Variants in FADS1 observed in about 807,000 individuals in gnomAD.
FADS1 encodes the protein fatty acid desaturase 1.
A neutral mutation model predicts 61.6 loss-of-function variants in FADS1; 17 were observed. The ratio of observed to expected loss-of-function variants is 0.28; its 90% CI spans 0.19 to 0.41. The LOEUF is 0.41. Ranked by LOEUF, FADS1 falls within the 10% of genes least tolerant of loss-of-function variation. FADS1 has a pLI of 1.00. For missense variants in FADS1, 387 were observed against 650.9 expected (o/e 0.59, Z 4.41); for synonymous variants, 238 against 258.7 (o/e 0.92, Z 0.77).
chr11:61,808,860 C>G (rs974454453), intron 5 of FADS1, among the ~76,000 whole-genome samples: 32 of 152,208 alleles, frequency 2.1e-4, no homozygotes, highest in African/African-American at 7.7e-4. Flanking sequence ...TCGCTCCAGC[C>G]GCCTCACTGA....
Position 61,816,438 on chromosome 11 carries a change from C to T in FADS1, c.375+117G>A, listed in dbSNP as rs1408263750. ...TCACCGGGCAACAGGTATGATCAGG[C>T]GCCTCCGGGCTTTCCTCCGAATTAG... On this transcript the variant is annotated intron_variant, in intron 1 of 11. Transcript: ENST00000350997. This position sits in a 1 kb window ranked among gnomAD's most constrained non-coding sequence, Gnocchi z 7.0. The T allele has an allele frequency of 1.3e-6, 2 of 1,599,088 alleles. No individual in the cohort carries two copies. The highest frequency in any genetic ancestry group is 2.2e-5 in the East Asian group (1 of 44,888).
Position 61,803,991 on chromosome 11 carries a change from G to A in FADS1, c.1054-224C>T. 1 of 576,998 alleles carries A rather than the reference G, an allele frequency of 1.7e-6. No individual in the cohort carries two copies. The highest frequency in any genetic ancestry group is 3.1e-6 in the Non-Finnish European group (1 of 323,866). 35.7% of individuals were successfully genotyped at this position (576,998 alleles called of 1,614,324 possible). ...TGCATGTCCCCTTCAAAAGTACCAA[G>A]GCCTACAAGGTCTCTTTGCCTCTAG... On this transcript the variant is annotated intron_variant, in intron 7 of 11. Transcript: ENST00000350997. The surrounding 1 kb of genome is among the most constrained non-coding windows in gnomAD (Gnocchi z 4.3).
rs540262104 is a variant in FADS1, at chr11:61,816,006, G to C, written c.375+549C>G. ...CTTCACACGACGCAGGGGTCCCCAA[G>C]GCAGCGGTCTCCCCAAGCTTCCCGT... is the stretch of plus-strand genomic sequence containing the variant. On this transcript the variant is annotated intron_variant, in intron 1 of 11. Transcript: ENST00000350997. This position sits in a 1 kb window ranked among gnomAD's most constrained non-coding sequence, Gnocchi z 7.0. 1 of 518,858 alleles carries C rather than the reference G, an allele frequency of 1.9e-6. No individual in the cohort carries two copies. The highest frequency in any genetic ancestry group is 3.4e-5 in the East Asian group (1 of 29,176). 32.1% of individuals were successfully genotyped at this position (518,858 alleles called of 1,614,324 possible).
rs112102578 is a variant in FADS1, at chr11:61,802,515, C to T, written c.1455-53G>A. ...TGAGGGAGACAAGCAGAGTTGAACC[C>T]ACCGGAGATGGAGCAGTGAGGTTAA... is the stretch of plus-strand genomic sequence containing the variant. On this transcript the variant is annotated intron_variant, in intron 11 of 11. Transcript: ENST00000350997. The surrounding 1 kb of genome is among the most constrained non-coding windows in gnomAD (Gnocchi z 4.2). The T allele has an allele frequency of 2.2e-4, 334 of 1,496,122 alleles. 3 individuals carry two copies. The African/African-American group carries it at 3.9e-3, about 17-fold the overall frequency. 92.7% of individuals were successfully genotyped at this position (1,496,122 alleles called of 1,614,324 possible). A position where few individuals can be genotyped will look rare whatever the true frequency, so the allele number is the denominator to read the frequency against.
At chr11:61,804,875 T>C (rs1489231911) in intron 6 of FADS1, 114 bp from the exon 7 acceptor site, 8 of 851,608 alleles carry the variant, frequency 9.4e-6, no homozygotes, top group Admixed American at 2.0e-5. Context: ...CAACCATCCC[T>C]TCTGTCTCCC....
In FADS1 at chr11:61,816,725, C is replaced by T. The variant is rs758868643; in HGVS notation, c.205G>A (p.Ala69Thr). Reference sequence around the variant, plus strand: ...AAGTAGCGCGGGGTAGGTCCCTGAGCCGCGGTCTCGGCGGCCACCGGGTCG... The same window carrying T: ...AAGTAGCGCGGGGTAGGTCCCTGAGTCGCGGTCTCGGCGGCCACCGGGTCG... The part of the protein sequence containing the change: ...APDPVAAETA[A>T]QGPTPRYFTW... Residue 69 changes from alanine to threonine, a missense_variant, in exon 1 of 12, where the codon GCT becomes ACT. Around this residue, in one of 2 missense-constraint regions of FADS1, gnomAD observed 130 missense variants for 117.7 expected, o/e 1.10. Coordinates refer to ENST00000350997, the MANE Select transcript of FADS1 (RefSeq NM_013402.7). This position sits in a 1 kb window ranked among gnomAD's most constrained non-coding sequence, Gnocchi z 7.0. 8.3e-6 allele frequency: 13 copies of T among 1,564,438 alleles called. No homozygotes were observed. Among genetic ancestry groups the T allele is most frequent in the Non-Finnish European group, 1.0e-5 (12 of 1,155,384 alleles).
At chr11:61,812,977 T>C (rs2066941869) in intron 2 of FADS1, among the ~76,000 whole-genome samples, 1 of 152,190 alleles carries the variant, frequency 6.6e-6, no homozygotes. Flanking sequence ...GCTTGGTGCA[T>C]AGTAAGTGCT....
At chr11:61,804,089 C>T (rs2066877080) in intron 7 of FADS1, 1 of 391,210 alleles carries the variant, frequency 2.6e-6, no homozygotes. Flanking sequence ...CAGTCCATGC[C>T]AGTGCCCTGA....
At position 61,802,353 on chromosome 11, in the gene FADS1, T is replaced by G. The variant is rs1565317639; in HGVS notation, c.*58A>C. 2.7e-6 allele frequency: 4 copies of G among 1,463,514 alleles called. No homozygotes were observed. The highest frequency in any genetic ancestry group is 3.8e-6 in the Non-Finnish European group (4 of 1,066,108). The allele number at this position is 1,463,514 out of a possible 1,614,324, so 90.7% of individuals were successfully genotyped here. The stretch of plus-strand genomic sequence containing the variant: ...AGTGGCATTGTCCCTCAAGCTCCCC[T>G]CTGCCTTGGCTCCAGAGTCTTCCTC... On this transcript the variant is annotated 3_prime_UTR_variant, in exon 12 of 12. Transcript: ENST00000350997. The surrounding 1 kb of genome is among the most constrained non-coding windows in gnomAD (Gnocchi z 4.2).
Position 61,801,644 on chromosome 11 carries a change from A to T in FADS1, c.*767T>A, listed in dbSNP as rs2066856236. On this transcript the variant is annotated 3_prime_UTR_variant, in exon 12 of 12. Coordinates refer to ENST00000350997, the MANE Select transcript of FADS1 (RefSeq NM_013402.7). ...GCCCTGCCTGCTTCTGAAACTGGAGAATGGCATCTCCCAGCAGCCTAAGGC... is the reference window on the plus strand; with the variant it reads ...GCCCTGCCTGCTTCTGAAACTGGAGTATGGCATCTCCCAGCAGCCTAAGGC... The T allele has an allele frequency of 6.6e-6, 1 of 152,320 alleles. No homozygotes were observed. Among genetic ancestry groups the T allele is most frequent in the Non-Finnish European group, 1.5e-5 (1 of 68,034 alleles). The allele number at this position is 152,320 out of a possible 1,614,324, so 9.4% of individuals were successfully genotyped here. A position where few individuals can be genotyped will look rare whatever the true frequency, so the allele number is the denominator to read the frequency against.
intron 3 of FADS1, chr11:61,812,062 G>C: frequency 3.2e-6 from 1 of 314,672 alleles, no homozygotes; most frequent in East Asian, 8.4e-5. Flanking sequence ...AGAAAGGACT[G>C]AAACATGAGC....
chr11:61,804,662 C>T (rs1288746224), intron 7 of FADS1, 23 bp downstream of exon 7: 2 of 1,605,612 alleles, frequency 1.2e-6, no homozygotes, highest in South Asian at 1.1e-5. Context: ...AGGATGTGGG[C>T]TTCTTGGGCC....
rs1331106404 is a variant in FADS1, at chr11:61,799,946, G to A, written c.*2465C>T. The A allele has an allele frequency of 6.5e-6, 1 of 152,802 alleles. No homozygotes were observed. The highest frequency in any genetic ancestry group is 6.5e-5 in the Admixed American group (1 of 15,280). 9.5% of individuals were successfully genotyped at this position (152,802 alleles called of 1,614,324 possible). A position where few individuals can be genotyped will look rare whatever the true frequency, so the allele number is the denominator to read the frequency against. ...TCACTGTGTGTCCCTTTGTGGCCAT[G>A]TAAGAGACCACACTGCTGTAGGCTG... On this transcript the variant is annotated 3_prime_UTR_variant, in exon 12 of 12. Coordinates refer to ENST00000350997, the MANE Select transcript of FADS1 (RefSeq NM_013402.7).
rs756539701 is a variant in FADS1, at chr11:61,816,294, C to A, written c.375+261G>T. On this transcript the variant is annotated intron_variant, in intron 1 of 11. Transcript: ENST00000350997. The surrounding 1 kb of genome is among the most constrained non-coding windows in gnomAD (Gnocchi z 7.0). Reference sequence around the variant, plus strand: ...TCGGGGCTGCAGATGGAATGCACGGCAGGGAGGCGGGACCCTTTGTTTGTG... The same window carrying A: ...TCGGGGCTGCAGATGGAATGCACGGAAGGGAGGCGGGACCCTTTGTTTGTG... 2 of 1,598,338 alleles carry A rather than the reference C, an allele frequency of 1.3e-6. No homozygotes were observed. The highest frequency in any genetic ancestry group is 2.2e-5 in the South Asian group (2 of 91,070).
chr11:61,809,228 C>G (rs551975854), intron 5 of FADS1, among the ~76,000 whole-genome samples: 5 of 152,300 alleles, frequency 3.3e-5, no homozygotes, highest in Admixed American at 1.3e-4. Flanking sequence ...ATGTCGGCAC[C>G]CGAAGGAGGC....
chr11:61,807,530 G>C (rs1484779568), intron 5 of FADS1, among the ~76,000 whole-genome samples: 2 of 152,212 alleles, frequency 1.3e-5, no homozygotes, highest in Non-Finnish European at 2.9e-5. Flanking sequence ...GCTAATTCGA[G>C]TTTGGCAAAT....
Position 61,802,727 on chromosome 11 carries a change from C to A in FADS1, c.1454+74G>T. On this transcript the variant is annotated intron_variant, in intron 11 of 11. Transcript: ENST00000350997. The surrounding 1 kb of genome is among the most constrained non-coding windows in gnomAD (Gnocchi z 4.2). ...GGAACACCTTCTGTTCACTCCCCAC[C>A]CTACATGTCATCATTTCCATTGCCC... 6.3e-7 allele frequency: 1 copy of A among 1,596,528 alleles called. No individual in the cohort carries two copies. The highest frequency in any genetic ancestry group is 2.2e-5 in the East Asian group (1 of 44,804).
At chr11:61,809,132 G>GTACT (rs938686606) in intron 5 of FADS1, among the ~76,000 whole-genome samples, 1 of 152,124 alleles carries the variant, frequency 6.6e-6, no homozygotes, top group African/African-American at 2.4e-5. Context: ...GGGAGCCTCT[G>GTACT]TACTTGACTG....
chr11:61,803,700 T>C lies in FADS1; in HGVS notation c.1121A>G (p.Lys374Arg). ...FLTYVPLLGL[K>R]AFLGLFFIVR... ...TATGAAGAAAAGGCCCAGGAAGGCT[T>C]TCAGCCCCAATAGTGGCACATAAGT... The change falls in exon 8 of 12, where the codon AAA (lysine) becomes AGA (arginine). Residue 374 changes from lysine to arginine, a missense_variant. Physicochemically the swap from Lys to Arg is conservative, Grantham distance 26. Coordinates refer to ENST00000350997, the MANE Select transcript of FADS1 (RefSeq NM_013402.7). This position sits in a 1 kb window ranked among gnomAD's most constrained non-coding sequence, Gnocchi z 4.3. 1.2e-6 allele frequency: 2 copies of C among 1,613,942 alleles called. No homozygotes were observed. Among genetic ancestry groups the C allele is most frequent in the Non-Finnish European group, 8.5e-7 (1 of 1,179,824 alleles).
Sources: gnomAD v4.1 joint callset for allele counts (sites outside exome capture counted in the v4.1 genomes callset) on GRCh38, gnomAD v4.1.1 for gene constraint, gnomAD v4.1.1 regional missense constraint, Gnocchi (gnomAD v3.1) non-coding constraint, MANE v1.5 for transcripts, NCBI Gene and HGNC (gene_info 2026-07-23, HGNC 2026-07-21) for gene names.